The following SRBD1 variants were observed in gnomAD, a reference collection of about 807,000 sequenced individuals.
The protein encoded by SRBD1 is S1 RNA-binding domain-containing protein 1.
A neutral mutation model predicts 115.3 loss-of-function variants in SRBD1; 88 were observed. The ratio of observed to expected loss-of-function variants is 0.76; its 90% CI spans 0.64 to 0.91. The LOEUF (loss-of-function observed/expected upper bound fraction) is 0.91, where lower values mean the gene tolerates loss of function less well. Ranked by LOEUF, SRBD1 falls within the 40% of genes least tolerant of loss-of-function variation. The pLI is 0.00. For synonymous variants in SRBD1, 509 were observed against 407.7 expected, an observed-to-expected ratio of 1.25 and a Z score of -2.99; for missense variants, 1,385 against 1,177.4, an observed-to-expected ratio of 1.18 and a Z score of -2.58.
At chr2:45,400,191 C>T (rs1242951285) in intron 19 of SRBD1, among the ~76,000 whole-genome samples, 1 of 152,076 alleles carries the variant, frequency 6.6e-6, no homozygotes. Flanking sequence ...GTCAAAGTAA[C>T]TCGCTTATGG....
At chr2:45,449,320 C>T (rs1668920845) in intron 16 of SRBD1, among the ~76,000 whole-genome samples, 1 of 152,170 alleles carries the variant, frequency 6.6e-6, no homozygotes, top group African/African-American at 2.4e-5. Context: ...CTCAGAAGGA[C>T]AGAGGAATGC....
intron 4 of SRBD1, among the ~76,000 whole-genome samples, chr2:45,592,593 G>A (rs115499683): frequency 1.4e-3 from 211 of 152,164 alleles, no homozygotes; most frequent in African/African-American, 4.7e-3. Context: ...CCCCTCAGTC[G>A]AATTCTTTGG....
intron 8 of SRBD1, 105 bp downstream of exon 8, chr2:45,574,522 A>T: frequency 9.8e-7 from 1 of 1,025,388 alleles, no homozygotes; most frequent in Admixed American, 2.7e-5. Context: ...TTTAAAAAAA[A>T]GTCTGAAAAC....
intron 5 of SRBD1, among the ~76,000 whole-genome samples, chr2:45,584,827 A>C (rs1673467661): frequency 6.6e-6 from 1 of 152,110 alleles, no homozygotes; most frequent in African/African-American, 2.4e-5. Context: ...CTTACAATCC[A>C]CTATTGTTAA....
At chr2:45,459,462 T>C (rs952804505) in intron 16 of SRBD1, among the ~76,000 whole-genome samples, 3 of 146,234 alleles carry the variant, frequency 2.1e-5, no homozygotes, top group African/African-American at 8.4e-5. Flanking sequence ...AACATGCTTA[T>C]ACCTGACAGG....
intron 16 of SRBD1, among the ~76,000 whole-genome samples, chr2:45,433,170 A>G (rs1375571827): frequency 4.6e-5 from 7 of 152,176 alleles, no homozygotes; most frequent in Admixed American, 6.5e-5. Context: ...AAAATACAAA[A>G]TGTAGCTAGA....
chr2:45,547,720 T>C (rs1672166526), intron 12 of SRBD1, 108 bp from the exon 13 acceptor site: 2 of 831,168 alleles, frequency 2.4e-6, no homozygotes, highest in Non-Finnish European at 1.9e-6. Context: ...GCTTGTTTTT[T>C]ATAATGAAGT....
intron 10 of SRBD1, among the ~76,000 whole-genome samples, chr2:45,557,414 C>T (rs138334032): frequency 3.8e-4 from 58 of 152,274 alleles, no homozygotes; most frequent in Middle Eastern, 3.4e-3. Context: ...TCTTAAATAT[C>T]ACCTACCCAT....
intron 4 of SRBD1, among the ~76,000 whole-genome samples, chr2:45,591,508 T>C (rs894068352): frequency 2.0e-5 from 3 of 152,170 alleles, no homozygotes; most frequent in African/African-American, 7.2e-5. Flanking sequence ...TCTTGATAAA[T>C]AGGCTCTGTG....
rs2193834 is a variant in SRBD1, at chr2:45,448,467, A to C, written c.2049+28526T>G. 4.9e-3 allele frequency among the ~76,000 whole-genome samples: 742 copies of C among 152,346 alleles called. 5 individuals carry two copies. Among genetic ancestry groups the C allele is most frequent in the African/African-American group, 0.017 (697 of 41,584 alleles). On this transcript the variant is annotated intron_variant, in intron 16 of 20. Transcript: ENST00000263736. ...TTCTACTATTATGACAAAGGTATTC[A>C]GCATTAGGCACAGAGCTGGAAAAAT...
At chr2:45,450,218 A>G (rs1170964514) in intron 16 of SRBD1, among the ~76,000 whole-genome samples, 2 of 152,296 alleles carry the variant, frequency 1.3e-5, no homozygotes. Context: ...AATTTTATAA[A>G]TTGGCACACT....
chr2:45,394,488 A>G (rs3770241), intron 19 of SRBD1, among the ~76,000 whole-genome samples: 15,535 of 152,250 alleles, frequency 0.1, 844 homozygotes, highest in Middle Eastern at 0.15. Flanking sequence ...ATACCTCTGG[A>G]ATACAAAAAG....
intron 15 of SRBD1, among the ~76,000 whole-genome samples, chr2:45,479,254 G>C (rs892375725): frequency 2.0e-5 from 3 of 152,072 alleles, no homozygotes; most frequent in African/African-American, 7.2e-5. Context: ...AAGTGTTCAA[G>C]TAAAAGGAAG....
At chr2:45,560,143 T>C (rs1305951495) in intron 10 of SRBD1, among the ~76,000 whole-genome samples, 1 of 152,076 alleles carries the variant, frequency 6.6e-6, no homozygotes, top group Non-Finnish European at 1.5e-5. Flanking sequence ...AAAATTATAT[T>C]ACTATGCCAT....
At chr2:45,497,516 A>G (rs1339405037) in intron 14 of SRBD1, among the ~76,000 whole-genome samples, 5 of 152,162 alleles carry the variant, frequency 3.3e-5, no homozygotes, top group Admixed American at 2.0e-4. Context: ...CAGATTGCTG[A>G]GCCACACCCC....
intron 7 of SRBD1, among the ~76,000 whole-genome samples, chr2:45,576,507 G>C (rs1673183068): frequency 6.6e-6 from 1 of 152,150 alleles, no homozygotes; most frequent in Admixed American, 6.5e-5. Flanking sequence ...TTTAAAGAAA[G>C]AAATGTGGCT....
At chr2:45,568,630 A>G (rs1672911210) in intron 9 of SRBD1, among the ~76,000 whole-genome samples, 1 of 152,238 alleles carries the variant, frequency 6.6e-6, no homozygotes, top group South Asian at 2.1e-4. Flanking sequence ...TCACTAACTC[A>G]GAATGCCACA....
chr2:45,516,284 G>A (rs1404299354), intron 14 of SRBD1, among the ~76,000 whole-genome samples: 2 of 152,122 alleles, frequency 1.3e-5, no homozygotes, highest in Non-Finnish European at 2.9e-5. Context: ...TAAATATTAG[G>A]GATAAGCAGC....
Position 45,412,238 on chromosome 2 carries a change from A to AT in SRBD1, c.2513+875dup, listed in dbSNP as rs1400339290. ...GGCTATATAGGAATTCACTGTAAAA[A>AT]TTTTTTTTCCAATTTTTCTGTATGG... is the stretch of plus-strand genomic sequence containing the variant. On this transcript the variant is annotated intron_variant, in intron 19 of 20. Coordinates refer to ENST00000263736, the MANE Select transcript of SRBD1 (RefSeq NM_018079.5). Among the ~76,000 whole-genome samples the AT allele has an allele frequency of 2.0e-5, 3 of 152,128 alleles. No individual in the cohort carries two copies. In the South Asian group the frequency reaches 6.2e-4, roughly 32 times the overall value.
Sources: allele counts gnomAD v4.1 joint callset (sites outside exome capture counted in the v4.1 genomes callset), GRCh38; gene constraint gnomAD v4.1.1; transcripts MANE v1.5; gene names NCBI Gene and HGNC (gene_info 2026-07-23, HGNC 2026-07-21).